Variants in TPH1 observed in about 807,000 individuals in gnomAD.
The protein encoded by TPH1 is tryptophan 5-hydroxylase 1.
Under a neutral mutation model 49.5 loss-of-function variants are expected in TPH1, and 37 were observed. That is an observed-to-expected ratio of 0.75 (90% confidence interval 0.58 to 0.98). The LOEUF (loss-of-function observed/expected upper bound fraction) is 0.98, where lower values mean the gene tolerates loss of function less well. Among genes scored for constraint, TPH1 ranks in the 50% least tolerant of loss-of-function variants. The probability of loss-of-function intolerance (pLI) is 0.00; values close to 1 mark genes in which losing one functional copy is unlikely to be tolerated. For missense variants in TPH1, 487 were observed against 523.6 expected, an observed-to-expected ratio of 0.93 and a Z score of 0.68; for synonymous variants, 160 against 182.1, an observed-to-expected ratio of 0.88 and a Z score of 0.98.
chr11:18,037,695 G>T (rs2134033580), intron 2 of TPH1, among the ~76,000 whole-genome samples: 1 of 152,248 alleles, frequency 6.6e-6, no homozygotes, highest in African/African-American at 2.4e-5. Flanking sequence ...AATGGAATTT[G>T]GTGAGGAAAT....
intron 4 of TPH1, 90 bp from the exon 5 acceptor site, chr11:18,029,669 T>G: frequency 9.4e-7 from 1 of 1,059,314 alleles, no homozygotes; most frequent in South Asian, 1.3e-5. Flanking sequence ...ACTAGAGCTA[T>G]TATATTAAAG....
chr11:18,024,735 TA>T (rs1393540576), intron 8 of TPH1, among the ~76,000 whole-genome samples: 2 of 152,160 alleles, frequency 1.3e-5, no homozygotes, highest in Non-Finnish European at 2.9e-5. Flanking sequence ...AAGGACCCCA[TA>T]AAAGAGTCTC....
Position 18,021,085 on chromosome 11 carries a change from G to T in TPH1, c.1241C>A (p.Thr414Asn), listed in dbSNP as rs1245256708. Residue 414 changes from threonine to asparagine, a missense_variant, in exon 11 of 11, where the codon ACC becomes AAC. Transcript: ENST00000682019. Reference protein sequence around the residue: ...YTRSIQILKDTKSITSAMNEL... With the variant: ...YTRSIQILKDNKSITSAMNEL... ...ATTCATGGCACTGGTTATGCTCTTG[G>T]TGTCTTTCAGGATCTGAATACTCCG... is the stretch of plus-strand genomic sequence containing the variant. 6.2e-7 allele frequency: 1 copy of T among 1,613,898 alleles called. No homozygotes were observed. The highest frequency in any genetic ancestry group is 8.5e-7 in the Non-Finnish European group (1 of 1,179,954).
intron 1 of TPH1, among the ~76,000 whole-genome samples, chr11:18,042,047 C>T (rs149760233): frequency 1.6e-4 from 25 of 152,286 alleles, no homozygotes; most frequent in African/African-American, 5.5e-4. Context: ...CCATGACACC[C>T]AAGGAGTACA....
intron 1 of TPH1, among the ~76,000 whole-genome samples, chr11:18,044,750 GAAAAC>G (rs112369278): frequency 2.1e-4 from 32 of 149,860 alleles, no homozygotes; most frequent in East Asian, 1.6e-3. Flanking sequence ...ACTCTTTCAG[GAAAAC>G]AAAACAAAAC....
chr11:18,029,838 T>G (rs892088723), intron 4 of TPH1, among the ~76,000 whole-genome samples: 5 of 152,144 alleles, frequency 3.3e-5, no homozygotes, highest in Admixed American at 3.3e-4. Flanking sequence ...GATAAAACAG[T>G]TTAAAGAATA....
intron 2 of TPH1, among the ~76,000 whole-genome samples, chr11:18,039,040 T>G (rs685249): frequency 0.32 from 48,740 of 151,782 alleles, 9,387 homozygotes; most frequent in East Asian, 0.51. Context: ...CCAAAAAAAC[T>G]AACGACCAGA....
In TPH1 at chr11:18,029,273, T is replaced by C; in HGVS notation, c.559A>G (p.Thr187Ala). 6.2e-7 allele frequency: 1 copy of C among 1,613,860 alleles called. No individual in the cohort carries two copies. ...VFQELNKLYP[T>A]HACREYLKNL... ...TTGAGATACTCTCTGCAAGCATGGGTTGGGTAGAGTTTGTTGAGCTCTTGG... is the reference window on the plus strand; with the variant it reads ...TTGAGATACTCTCTGCAAGCATGGGCTGGGTAGAGTTTGTTGAGCTCTTGG... Residue 187 changes from threonine to alanine, a missense_variant, in exon 6 of 11, where the codon ACC (threonine) becomes GCC (alanine). By Grantham distance (58) the Thr-to-Ala change is moderately conservative. Coordinates refer to ENST00000682019, the MANE Select transcript of TPH1 (RefSeq NM_004179.3).
chr11:18,035,295 T>C lies in TPH1; in HGVS notation c.301+664A>G, dbSNP rs367570318. 5.9e-5 allele frequency among the ~76,000 whole-genome samples: 9 copies of C among 152,314 alleles called. No individual in the cohort carries two copies. The East Asian group carries it at 1.5e-3, about 26-fold the overall frequency. ...ATTATAGGTTTGTCAAATCAAGAAA[T>C]GTTGATGATTTGGAAATTGAGAGAT... On this transcript the variant is annotated intron_variant, in intron 3 of 10. Coordinates refer to ENST00000682019, the MANE Select transcript of TPH1 (RefSeq NM_004179.3).
chr11:18,022,434 G>C (rs1197463008), intron 10 of TPH1, among the ~76,000 whole-genome samples: 1 of 152,142 alleles, frequency 6.6e-6, no homozygotes, highest in East Asian at 1.9e-4. Context: ...CACCTGAAAT[G>C]AATTGCTCTT....
chr11:18,024,008 C>T (rs749130385), intron 8 of TPH1, 25 bp from the exon 9 acceptor site: 3 of 1,519,702 alleles, frequency 2.0e-6, no homozygotes, highest in Non-Finnish European at 2.7e-6. Flanking sequence ...CAATATTATT[C>T]TCACACACTG....
chr11:18,043,568 C>A (rs1158830207), intron 1 of TPH1, among the ~76,000 whole-genome samples: 1 of 152,120 alleles, frequency 6.6e-6, no homozygotes, highest in Non-Finnish European at 1.5e-5. Context: ...CGTGTCGCTG[C>A]ACTCTGGCAG....
At chr11:18,045,474 A>ACCCCCC (rs397778346) in intron 1 of TPH1, among the ~76,000 whole-genome samples, 2 of 65,560 alleles carry the variant, frequency 3.1e-5, no homozygotes, top group African/African-American at 9.1e-5. Context: ...TTAGAATTCC[A>ACCCCCC]CCCCCCCCTT....
At chr11:18,044,552 C>G (rs1475255678) in intron 1 of TPH1, among the ~76,000 whole-genome samples, 1 of 150,460 alleles carries the variant, frequency 6.6e-6, no homozygotes, top group Non-Finnish European at 1.5e-5. Context: ...TCCCCCCCAC[C>G]CCAAAATAAT....
chr11:18,026,095 T>C (rs1847926370), intron 7 of TPH1, among the ~76,000 whole-genome samples: 1 of 152,038 alleles, frequency 6.6e-6, no homozygotes, highest in African/African-American at 2.4e-5. Context: ...TCCATCCCCC[T>C]TTCTCAGCTT....
At chr11:18,026,393 CAAAAAAAAAAA>C (rs57335932) in intron 7 of TPH1, 86 bp downstream of exon 7, 20 of 588,762 alleles carry the variant, frequency 3.4e-5, no homozygotes, top group East Asian at 1.5e-4. Flanking sequence ...CCTCGCACAC[CAAAAAAAAAAA>C]AAAAAAAAAA....
At chr11:18,025,999 G>C (rs535052178) in intron 7 of TPH1, among the ~76,000 whole-genome samples, 1 of 151,898 alleles carries the variant, frequency 6.6e-6, no homozygotes, top group East Asian at 1.9e-4. Flanking sequence ...TCTCTGCTCA[G>C]ATATCACCTT....
In TPH1 at chr11:18,019,684, G is replaced by A. The variant is rs1157593730; in HGVS notation, c.*1307C>T. 4.3e-6 allele frequency: 2 copies of A among 463,432 alleles called. No individual in the cohort carries two copies. Among genetic ancestry groups the A allele is most frequent in the East Asian group, 6.6e-5 (1 of 15,228 alleles). The allele number at this position is 463,432 out of a possible 1,614,324, so 28.7% of individuals were successfully genotyped here. A position where few individuals can be genotyped will look rare whatever the true frequency, so the allele number is the denominator to read the frequency against. ...GGGTGACATTCCCCATGAAGAGATG[G>A]CAAAAAGAGTAGAAGTGCAAAGACA... On this transcript the variant is annotated 3_prime_UTR_variant, in exon 11 of 11. Coordinates refer to ENST00000682019, the MANE Select transcript of TPH1 (RefSeq NM_004179.3).
At chr11:18,027,840 C>G (rs1847945134) in intron 6 of TPH1, among the ~76,000 whole-genome samples, 1 of 152,162 alleles carries the variant, frequency 6.6e-6, no homozygotes, top group South Asian at 2.1e-4. Flanking sequence ...TTATAGAAAC[C>G]ACTTACATAA....
Sources: gnomAD v4.1 joint callset for allele counts (sites outside exome capture counted in the v4.1 genomes callset) on GRCh38, gnomAD v4.1.1 for gene constraint, MANE v1.5 for transcripts, NCBI Gene and HGNC (gene_info 2026-07-23, HGNC 2026-07-21) for gene names.